SIGLEC8: variants seen among roughly 807,000 people sequenced by gnomAD.
SIGLEC8 encodes the protein sialic acid binding Ig like lectin 8, also known as sialic acid-binding Ig-like lectin 8.
SIGLEC8 carries 32 observed loss-of-function variants against 42.1 expected under a neutral mutation model. The ratio of observed to expected loss-of-function variants is 0.76; its 90% CI spans 0.57 to 1.02. The LOEUF (loss-of-function observed/expected upper bound fraction) is 1.02, where lower values mean the gene tolerates loss of function less well. SIGLEC8 is among the 50% of genes least tolerant of loss of function. The pLI, the probability that SIGLEC8 is intolerant of heterozygous loss-of-function variation, is 0.00. For synonymous variants in SIGLEC8, 262 were observed against 260.3 expected, an observed-to-expected ratio of 1.01 and a Z score of -0.06; for missense variants, 611 against 610.2, an observed-to-expected ratio of 1.00 and a Z score of -0.01.
chr19:51,458,084 T>A lies in SIGLEC8; in HGVS notation c.304A>T (p.Ile102Phe). The part of the protein sequence containing the change: ...TQGRFQLLGD[I>F]WSNDCSLSIR... Reference sequence around the variant, plus strand: ...CTCAGGGAGCAGTCGTTGCTCCAAATGTCCCCAAGGAGTTGGAATCGGCCC... The same window carrying A: ...CTCAGGGAGCAGTCGTTGCTCCAAAAGTCCCCAAGGAGTTGGAATCGGCCC... The change falls in exon 1 of 7, where the codon ATT becomes TTT. Residue 102 changes from isoleucine (I) to phenylalanine (F), a missense_variant. Physicochemically the swap from Ile to Phe is conservative, Grantham distance 21. Coordinates refer to ENST00000321424, the MANE Select transcript of SIGLEC8 (RefSeq NM_014442.3). 1.9e-6 allele frequency: 3 copies of A among 1,614,194 alleles called. No individual in the cohort carries two copies. The highest frequency in any genetic ancestry group is 2.5e-6 in the Non-Finnish European group (3 of 1,180,032).
In SIGLEC8 at chr19:51,454,228, C is replaced by T. The variant is rs61735205; in HGVS notation, c.1236G>A (p.Ser412=). ...GMEDAKAIRG[S]ASQGPLTESW... is the part of the protein sequence containing the mutation. ...AGCCCACATCACTCACCTGAGAGGC[C>T]GAGCCCCTGATGGCCTTTGCATCTT... is the stretch of plus-strand genomic sequence containing the variant. Residue 412 remains serine (S), a synonymous_variant, in exon 6 of 7, where the codon TCG becomes TCA. Transcript: ENST00000321424. This position sits in a 1 kb window ranked among gnomAD's most constrained non-coding sequence, Gnocchi z 4.7. The T allele has an allele frequency of 0.034, 54,425 of 1,612,982 alleles. 1,175 individuals are homozygous for T. Among genetic ancestry groups the T allele is most frequent in the Non-Finnish European group, 0.041 (47,924 of 1,178,958 alleles).
rs770477109 is a variant in SIGLEC8 at position 51,458,350 on chromosome 19, C to T, written c.38G>A (p.Gly13Glu). ...TCTGTCTCCCTCCATCCCCTTTGTC[C>T]CCCAGAGCAGGGGCAGCAGCAGCAG... ...LLLLLLPLLW[G>E]TKGMEGDRQY... Residue 13 changes from glycine to glutamate, a missense_variant, in exon 1 of 7, where the codon GGG becomes GAG. By Grantham distance (98) the Gly-to-Glu change is moderately conservative. Transcript: ENST00000321424. The T allele has an allele frequency of 5.0e-6, 8 of 1,613,832 alleles. No individual in the cohort carries two copies. The East Asian group carries it at 1.1e-4, about 22-fold the overall frequency.
chr19:51,457,783 T>G (rs1989533715), intron 1 of SIGLEC8, 44 bp from the exon 2 acceptor site: 2 of 1,552,852 alleles, frequency 1.3e-6, no homozygotes, highest in Admixed American at 1.9e-5. Context: ...GTATTTCAGG[T>G]GCAGCCCTGG....
chr19:51,451,573 A>C lies in SIGLEC8; in HGVS notation c.*806T>G, dbSNP rs1430287980. 1 of 152,200 alleles carries C rather than the reference A, an allele frequency of 6.6e-6. No individual in the cohort carries two copies. The highest frequency in any genetic ancestry group is 1.5e-5 in the Non-Finnish European group (1 of 68,032). 9.4% of individuals were successfully genotyped at this position (152,200 alleles called of 1,614,324 possible). ...AGTGCTAGATGAGAGAAGAGACCTC[A>C]GAATCGGACAGGCTTTAAATTCCAG... On this transcript the variant is annotated 3_prime_UTR_variant, in exon 7 of 7. Coordinates refer to ENST00000321424, the MANE Select transcript of SIGLEC8 (RefSeq NM_014442.3).
At position 51,454,369 on chromosome 19, in the gene SIGLEC8, G is replaced by T; in HGVS notation, c.1149-54C>A. ...GTGTGGTCAGATCGGGGTGCAGTGGGCAGACCAACCCCTGCCCTGTATTTC... is the reference window on the plus strand; with the variant it reads ...GTGTGGTCAGATCGGGGTGCAGTGGTCAGACCAACCCCTGCCCTGTATTTC... On this transcript the variant is annotated intron_variant, in intron 5 of 6. Coordinates refer to ENST00000321424, the MANE Select transcript of SIGLEC8 (RefSeq NM_014442.3). This position sits in a 1 kb window ranked among gnomAD's most constrained non-coding sequence, Gnocchi z 4.7. 3.7e-6 allele frequency: 6 copies of T among 1,611,976 alleles called. No individual in the cohort carries two copies. Among genetic ancestry groups the T allele is most frequent in the Non-Finnish European group, 5.1e-6 (6 of 1,179,874 alleles).
intron 2 of SIGLEC8, 44 bp from the exon 3 acceptor site, chr19:51,457,275 G>A: frequency 6.3e-7 from 1 of 1,584,414 alleles, no homozygotes; most frequent in East Asian, 2.2e-5. Flanking sequence ...ATAAGGACTG[G>A]GGACATTGGC....
chr19:51,454,148 C>A lies in SIGLEC8; in HGVS notation c.1245+71G>T, dbSNP rs1011435333. ...GTGACTTTGGCCATACCAAAGAGAG[C>A]GATCCTGGGGGCCATCCTGTCAGAG... On this transcript the variant is annotated intron_variant, in intron 6 of 6. Coordinates refer to ENST00000321424, the MANE Select transcript of SIGLEC8 (RefSeq NM_014442.3). The surrounding 1 kb of genome is among the most constrained non-coding windows in gnomAD (Gnocchi z 4.7). 5 of 1,598,962 alleles carry A rather than the reference C, an allele frequency of 3.1e-6. No individual in the cohort carries two copies. Among genetic ancestry groups the A allele is most frequent in the Non-Finnish European group, 4.3e-6 (5 of 1,172,134 alleles).
At position 51,454,928 on chromosome 19, in the gene SIGLEC8, C is replaced by T. The variant is rs1040975736; in HGVS notation, c.1052-148G>A. On this transcript the variant is annotated intron_variant, in intron 4 of 6. Coordinates refer to ENST00000321424, the MANE Select transcript of SIGLEC8 (RefSeq NM_014442.3). This position sits in a 1 kb window ranked among gnomAD's most constrained non-coding sequence, Gnocchi z 4.7. ...GAATGGGAGGGAGGAAAGGAGACTACTTCTGAGGCCAGTGAGGCATGAGAG... is the reference window on the plus strand; with the variant it reads ...GAATGGGAGGGAGGAAAGGAGACTATTTCTGAGGCCAGTGAGGCATGAGAG... The T allele has an allele frequency of 4.8e-6, 3 of 622,864 alleles. No homozygotes were observed. The highest frequency in any genetic ancestry group is 3.7e-5 in the African/African-American group (2 of 54,414). 38.6% of individuals were successfully genotyped at this position (622,864 alleles called of 1,614,324 possible).
Position 51,456,016 on chromosome 19 carries a change from A to G in SIGLEC8, c.782-329T>C, listed in dbSNP as rs144550344. On this transcript the variant is annotated intron_variant, in intron 3 of 6. Coordinates refer to ENST00000321424, the MANE Select transcript of SIGLEC8 (RefSeq NM_014442.3). The stretch of plus-strand genomic sequence containing the variant: ...CGCATGTTCTCACTCATAAGTGGGA[A>G]CTGAACAATGAGAACACATGGACAC... Among the ~76,000 whole-genome samples the G allele has an allele frequency of 5.7e-3, 838 of 148,052 alleles. 10 individuals are homozygous for G. The highest frequency in any genetic ancestry group is 0.02 in the African/African-American group (797 of 40,432).
rs1434070370 is a variant in SIGLEC8 at position 51,451,423 on chromosome 19, C to A, written c.*956G>T. On this transcript the variant is annotated 3_prime_UTR_variant, in exon 7 of 7. Coordinates refer to ENST00000321424, the MANE Select transcript of SIGLEC8 (RefSeq NM_014442.3). ...TCCCGGCCTTCATCTCCTCAGTGCA[C>A]CTGTCTTGTTCCTGAGACTCTAGGC... 6.6e-6 allele frequency: 1 copy of A among 152,148 alleles called. No individual in the cohort carries two copies. Among genetic ancestry groups the A allele is most frequent in the Non-Finnish European group, 1.5e-5 (1 of 68,024 alleles). 9.4% of individuals were successfully genotyped at this position (152,148 alleles called of 1,614,324 possible). A position where few individuals can be genotyped will look rare whatever the true frequency, so the allele number is the denominator to read the frequency against.
intron 6 of SIGLEC8, chr19:51,453,933 A>C: frequency 1.0e-6 from 1 of 985,194 alleles, no homozygotes; most frequent in Non-Finnish European, 1.2e-6. Flanking sequence ...GATGCCAGCT[A>C]TTCTTGGGGA....
chr19:51,453,718 T>A (rs1989422915), intron 6 of SIGLEC8: 5 of 971,992 alleles, frequency 5.1e-6, no homozygotes, highest in Non-Finnish European at 6.1e-6. Flanking sequence ...AAATAAGAAA[T>A]GAGTATCTAC....
intron 6 of SIGLEC8, among the ~76,000 whole-genome samples, chr19:51,452,844 T>C (rs1008269503): frequency 3.9e-5 from 6 of 152,208 alleles, no homozygotes; most frequent in South Asian, 4.1e-4. Flanking sequence ...AACAACTCCA[T>C]AGTGAGATAT....
At position 51,457,245 on chromosome 19, in the gene SIGLEC8, A is replaced by T. The variant is rs373203294; in HGVS notation, c.734-14T>A. ...TCCAAGGAGGGTCTGGGACAGAAAG[A>T]CATGAAGACCCACATTACTATAAGG... On this transcript the variant is annotated splice_polypyrimidine_tract_variant and intron_variant, in intron 2 of 6. Transcript: ENST00000321424. 1 of 1,611,496 alleles carries T rather than the reference A, an allele frequency of 6.2e-7. No homozygotes were observed. The highest frequency in any genetic ancestry group is 8.5e-7 in the Non-Finnish European group (1 of 1,178,418).
At chr19:51,457,252 G>T in intron 2 of SIGLEC8, 21 bp from the exon 3 acceptor site, 3 of 1,610,266 alleles carry the variant, frequency 1.9e-6, no homozygotes, top group Non-Finnish European at 2.5e-6. Context: ...AAGACATGAA[G>T]ACCCACATTA....
chr19:51,452,205 A>G lies in SIGLEC8; in HGVS notation c.*174T>C, dbSNP rs533852504. ...CTCTATGTGGAATCTAAAATAGTCA[A>G]CCTCAGAGAGGTCGAGAGGAGAATG... On this transcript the variant is annotated 3_prime_UTR_variant, in exon 7 of 7. Transcript: ENST00000321424. The G allele has an allele frequency of 7.9e-6, 4 of 508,578 alleles. No homozygotes were observed. The highest frequency in any genetic ancestry group is 3.0e-5 in the East Asian group (1 of 33,444). The allele number at this position is 508,578 out of a possible 1,614,324, so 31.5% of individuals were successfully genotyped here. A position where few individuals can be genotyped will look rare whatever the true frequency, so the allele number is the denominator to read the frequency against.
Position 51,457,747 on chromosome 19 carries a change from A to G in SIGLEC8, c.455-8T>C. The G allele has an allele frequency of 6.4e-7, 1 of 1,564,682 alleles. No homozygotes were observed. The highest frequency in any genetic ancestry group is 8.6e-7 in the Non-Finnish European group (1 of 1,159,142). ...CAGGCCTATGGGTCAGGGCTGGTGA[A>G]GATGGGGACACAGGATCAGGAGGAG... On this transcript the variant is annotated splice_polypyrimidine_tract_variant and splice_region_variant and intron_variant, in intron 1 of 6. Coordinates refer to ENST00000321424, the MANE Select transcript of SIGLEC8 (RefSeq NM_014442.3).
intron 1 of SIGLEC8, 50 bp downstream of exon 1, chr19:51,457,884 C>A (rs1292156047): frequency 3.8e-6 from 6 of 1,589,120 alleles, no homozygotes; most frequent in Non-Finnish European, 5.2e-6. Context: ...CCCTGCCTTT[C>A]AGCCCCTCAT....
Position 51,458,053 on chromosome 19 carries a change from C to G in SIGLEC8, c.335G>C (p.Arg112Thr). The part of the protein sequence containing the change: ...IWSNDCSLSI[R>T]DARKRDKGSY... ...CCCCTTATCCCTCTTCCTGGCGTCT[C>G]TGATGCTCAGGGAGCAGTCGTTGCT... is the stretch of plus-strand genomic sequence containing the variant. The change falls in exon 1 of 7, where the codon AGA becomes ACA. Residue 112 changes from arginine (R) to threonine (T), a missense_variant. Physicochemically the swap from Arg to Thr is moderately conservative, Grantham distance 71. Transcript: ENST00000321424. 1 of 1,614,216 alleles carries G rather than the reference C, an allele frequency of 6.2e-7. No homozygotes were observed. Among genetic ancestry groups the G allele is most frequent in the South Asian group, 1.1e-5 (1 of 91,086 alleles).
Sources: gnomAD v4.1 joint callset for allele counts (sites outside exome capture counted in the v4.1 genomes callset) on GRCh38, gnomAD v4.1.1 for gene constraint, Gnocchi (gnomAD v3.1) non-coding constraint, MANE v1.5 for transcripts, NCBI Gene and HGNC (gene_info 2026-07-23, HGNC 2026-07-21) for gene names.